CSPP1: variants seen among roughly 807,000 people sequenced by gnomAD.
CSPP1 encodes the protein centrosome and spindle pole associated protein 1.
CSPP1 carries 126 observed loss-of-function variants against 164.4 expected under a neutral mutation model. The observed-to-expected ratio is 0.77, with a 90% CI of 0.66 to 0.89. CSPP1 has a LOEUF of 0.89. Ranked by LOEUF, CSPP1 falls within the 40% of genes least tolerant of loss-of-function variation. The pLI is 0.00. For missense variants in CSPP1, 1,395 were observed against 1,449.8 expected (o/e 0.96, Z 0.61); for synonymous variants, 472 against 476.7 (o/e 0.99, Z 0.13).
intron 17 of CSPP1, among the ~76,000 whole-genome samples, chr8:67,146,396 TAC>T (rs1450247872): frequency 6.6e-6 from 1 of 152,156 alleles, no homozygotes; most frequent in Non-Finnish European, 1.5e-5. Context: ...GTGTTGAGAT[TAC>T]AGGCATGAGC....
intron 11 of CSPP1, 188 bp downstream of exon 11, chr8:67,114,050 T>C: frequency 2.3e-6 from 1 of 444,252 alleles, no homozygotes; most frequent in East Asian, 3.5e-5. Flanking sequence ...AGGTAATTTT[T>C]CCTTTTTCAT....
At chr8:67,166,129 T>C (rs947929591) in intron 24 of CSPP1, among the ~76,000 whole-genome samples, 13 of 152,190 alleles carry the variant, frequency 8.5e-5, no homozygotes, top group Admixed American at 7.9e-4. Flanking sequence ...CCCCATCCTT[T>C]TGTTTTTTGA....
At chr8:67,091,926 G>A in intron 5 of CSPP1, 43 bp downstream of exon 5, 2 of 813,122 alleles carry the variant, frequency 2.5e-6, no homozygotes, top group African/African-American at 1.8e-5. Flanking sequence ...AGTTTTCCGA[G>A]GCATCAAAAT....
chr8:67,150,725 ATT>A (rs1825551273), intron 18 of CSPP1, among the ~76,000 whole-genome samples: 1 of 150,950 alleles, frequency 6.6e-6, no homozygotes, highest in African/African-American at 2.5e-5. Context: ...CTTATCTTTG[ATT>A]TACTATTAAT....
intron 28 of CSPP1, among the ~76,000 whole-genome samples, chr8:67,186,580 C>T (rs1834671591): frequency 6.6e-6 from 1 of 152,178 alleles, no homozygotes; most frequent in Non-Finnish European, 1.5e-5. Context: ...CTACAGCTAA[C>T]ATCATAATGA....
chr8:67,064,543 G>C lies in CSPP1; in HGVS notation c.-11+5G>C. ...ATGGGGAGCGTGAGTGGCGAGGTGT[G>C]GCCTGGGGTGGTGTAGGTTGAGGGT... On this transcript the variant is annotated splice_donor_5th_base_variant and intron_variant, in intron 1 of 30. Transcript: ENST00000678616. The C allele has an allele frequency of 6.2e-7, 1 of 1,603,182 alleles. No homozygotes were observed.
At position 67,083,558 on chromosome 8, in the gene CSPP1, T is replaced by A. The variant is rs1390505865; in HGVS notation, c.200-2449T>A. On this transcript the variant is annotated intron_variant, in intron 3 of 30. Transcript: ENST00000678616. ...AAAAAAAAAAAAAAAAATATATATA[T>A]ATATATATATATATATGTATATATG... is the stretch of plus-strand genomic sequence containing the variant. 1.3e-3 allele frequency: 178 copies of A among 136,740 alleles called. 1 individual carries two copies. Among genetic ancestry groups the A allele is most frequent in the African/African-American group, 4.2e-3 (150 of 35,458 alleles). The allele number at this position is 136,740 out of a possible 1,614,324, so 8.5% of individuals were successfully genotyped here.
chr8:67,103,093 T>A lies in CSPP1; in HGVS notation c.980T>A (p.Ile327Lys). The change falls in exon 8 of 31, where the codon ATA becomes AAA. Residue 327 changes from isoleucine to lysine, a missense_variant. Coordinates refer to ENST00000678616, the MANE Select transcript of CSPP1 (RefSeq NM_001382391.1). ...MPPMEHDGDV[I>K]EQSNIRISSA... ...CCTATGGAACATGATGGGGATGTTA[T>A]AGAACAGTCAAACATAAGAATTTCA... 6.2e-7 allele frequency: 1 copy of A among 1,611,454 alleles called. No individual in the cohort carries two copies. Among genetic ancestry groups the A allele is most frequent in the Non-Finnish European group, 8.5e-7 (1 of 1,177,746 alleles).
chr8:67,128,212 C>G (rs1224052638), intron 15 of CSPP1, among the ~76,000 whole-genome samples: 1 of 152,112 alleles, frequency 6.6e-6, no homozygotes, highest in Admixed American at 6.5e-5. Context: ...TATTAACTGT[C>G]TGATCTTTTT....
chr8:67,080,371 CTA>C (rs1808893938), intron 3 of CSPP1, among the ~76,000 whole-genome samples: 1 of 152,322 alleles, frequency 6.6e-6, no homozygotes, highest in South Asian at 2.1e-4. Context: ...TCATACAACA[CTA>C]TGATTTTATA....
rs1395679668 is a variant in CSPP1 at position 67,095,553 on chromosome 8, G to A, written c.744G>A (p.Arg248=). 9 of 1,613,620 alleles carry A rather than the reference G, an allele frequency of 5.6e-6. No individual in the cohort carries two copies. Among genetic ancestry groups the A allele is most frequent in the African/African-American group, 1.3e-5 (1 of 74,828 alleles). ...EVGISNLKHQ[R]FASKAGIPDR... ...GCATTTCCAACCTAAAACATCAAAG[G>A]TTTGCAAGCAAGGCTGGCATTCCAG... is the stretch of plus-strand genomic sequence containing the variant. The change falls in exon 7 of 31, where the codon AGG becomes AGA. Residue 248 remains arginine, a synonymous_variant. Transcript: ENST00000678616.
chr8:67,137,656 T>A, intron 17 of CSPP1, 53 bp downstream of exon 17: 1 of 1,278,158 alleles, frequency 7.8e-7, no homozygotes, highest in South Asian at 1.9e-5. Context: ...ATTTTTAACT[T>A]TTTAAAAGAT....
rs377164883 is a variant in CSPP1 at position 67,184,981 on chromosome 8, A to G, written c.3220+5055A>G. Reference sequence around the variant, plus strand: ...AAAAAAAAAAAGGTGGTGGGCACCTATAAGTCCCAGCTGCTCGGGAGGCTG... The same window carrying G: ...AAAAAAAAAAAGGTGGTGGGCACCTGTAAGTCCCAGCTGCTCGGGAGGCTG... On this transcript the variant is annotated intron_variant, in intron 28 of 30. Coordinates refer to ENST00000678616, the MANE Select transcript of CSPP1 (RefSeq NM_001382391.1). Among the ~76,000 whole-genome samples, 360 of 148,106 alleles carry G rather than the reference A, an allele frequency of 2.4e-3. 6 individuals carry two copies. The highest frequency in any genetic ancestry group is 8.4e-3 in the African/African-American group (342 of 40,588).
intron 10 of CSPP1, among the ~76,000 whole-genome samples, chr8:67,112,398 A>T (rs1028215878): frequency 6.6e-6 from 1 of 152,140 alleles, no homozygotes; most frequent in African/African-American, 2.4e-5. Context: ...AACAAATATA[A>T]AAGTATTTTT....
chr8:67,169,328 C>G (rs1830055730), intron 24 of CSPP1, among the ~76,000 whole-genome samples: 1 of 152,176 alleles, frequency 6.6e-6, no homozygotes. Context: ...TCTTAGGTAC[C>G]ACAGGAATCA....
chr8:67,159,904 CTTTCTTTCTTT>C (rs1288157950), intron 21 of CSPP1, among the ~76,000 whole-genome samples: 20 of 66,892 alleles, frequency 3.0e-4, no homozygotes, highest in East Asian at 1.2e-3. Context: ...TTCTTTCTTT[CTTTCTTTCTTT>C]CTTTCTTTCC....
At chr8:67,180,443 AGGTGTATAT>A (rs1374050860) in intron 28 of CSPP1, among the ~76,000 whole-genome samples, 4 of 152,164 alleles carry the variant, frequency 2.6e-5, no homozygotes, top group African/African-American at 9.7e-5. Context: ...GGATAGGGAG[AGGTGTATAT>A]GGTTATAAAA....
rs1807954485 is a variant in CSPP1 at position 67,076,528 on chromosome 8, C to T, written c.146C>T (p.Ser49Phe). Reference sequence around the variant, plus strand: ...TCTGAAAACAGTAAGATACTGATCTCTATGGCTAAGGAAAACATACCACCA... The same window carrying T: ...TCTGAAAACAGTAAGATACTGATCTTTATGGCTAAGGAAAACATACCACCA... ...KLSENSKILISMAKENIPPNS... is the reference protein window; with the variant it reads ...KLSENSKILIFMAKENIPPNS... Residue 49 changes from serine (S) to phenylalanine (F), a missense_variant, in exon 3 of 31, where the codon TCT (serine) becomes TTT (phenylalanine). Ser to Phe is a radical substitution (Grantham distance 155, BLOSUM62 -2). Transcript: ENST00000678616. The T allele has an allele frequency of 6.2e-7, 1 of 1,603,972 alleles. No homozygotes were observed. Among genetic ancestry groups the T allele is most frequent in the Non-Finnish European group, 8.5e-7 (1 of 1,175,570 alleles).
chr8:67,158,891 T>C, intron 20 of CSPP1, 100 bp from the exon 21 acceptor site: 1 of 1,054,330 alleles, frequency 9.5e-7, no homozygotes, highest in Non-Finnish European at 1.4e-6. Flanking sequence ...TCATGTCATC[T>C]ATATCTTTAT....
Sources: allele counts gnomAD v4.1 joint callset (sites outside exome capture counted in the v4.1 genomes callset), GRCh38; gene constraint gnomAD v4.1.1; transcripts MANE v1.5; gene names NCBI Gene and HGNC (gene_info 2026-07-23, HGNC 2026-07-21).